Variants in MCM3AP observed in about 807,000 individuals in gnomAD.
The protein encoded by MCM3AP is minichromosome maintenance complex component 3 associated protein.
A neutral mutation model predicts 184.1 loss-of-function variants in MCM3AP; 126 were observed. The ratio of observed to expected loss-of-function variants is 0.68; its 90% confidence interval spans 0.59 to 0.79. The LOEUF is 0.79. Ranked by LOEUF, MCM3AP falls within the 30% of genes least tolerant of loss-of-function variation. The pLI, the probability that MCM3AP is intolerant of heterozygous loss-of-function variation, is 0.00. For synonymous variants in MCM3AP, 1,002 were observed against 979.3 expected (o/e 1.02, Z -0.43); for missense variants, 2,496 against 2,479.2 (o/e 1.01, Z -0.14).
At chr21:46,260,969 T>C (rs1432723379) in intron 14 of MCM3AP, 63 bp from the exon 15 acceptor site, 2 of 1,322,264 alleles carry the variant, frequency 1.5e-6, no homozygotes, top group African/African-American at 1.4e-5. Context: ...TGCTGTTTGT[T>C]TTACTCCCTG....
chr21:46,257,089 T>G, intron 16 of MCM3AP, 103 bp from the exon 17 acceptor site: 1 of 1,453,838 alleles, frequency 6.9e-7, no homozygotes, highest in Non-Finnish European at 9.2e-7. Flanking sequence ...GGACATCAAA[T>G]GAGTGTGGTG....
intron 12 of MCM3AP, 59 bp from the exon 13 acceptor site, chr21:46,264,276 G>T: frequency 9.2e-7 from 1 of 1,082,728 alleles, no homozygotes; most frequent in Non-Finnish European, 1.4e-6. Context: ...GAAATGCTGG[G>T]TAACATGTTG....
chr21:46,255,448 G>T (rs766739864), intron 17 of MCM3AP, among the ~76,000 whole-genome samples: 8 of 152,084 alleles, frequency 5.3e-5, no homozygotes, highest in Non-Finnish European at 1.2e-4. Flanking sequence ...CTGAGGACAC[G>T]ATTGGGGCCC....
chr21:46,260,115 A>G (rs2081022762), intron 15 of MCM3AP, among the ~76,000 whole-genome samples: 1 of 152,138 alleles, frequency 6.6e-6, no homozygotes, highest in East Asian at 1.9e-4. Context: ...CTCAGTATTA[A>G]AATGTAATTC....
At chr21:46,276,573 C>T (rs889323406) in intron 5 of MCM3AP, among the ~76,000 whole-genome samples, 4 of 152,058 alleles carry the variant, frequency 2.6e-5, no homozygotes, top group Non-Finnish European at 4.4e-5. Context: ...TCCCAAGTAG[C>T]TGGGATTACA....
chr21:46,239,110 C>G (rs1211249458), intron 26 of MCM3AP, among the ~76,000 whole-genome samples: 1 of 152,214 alleles, frequency 6.6e-6, no homozygotes, highest in African/African-American at 2.4e-5. Context: ...GCAAAAGGAA[C>G]AGCAAACTCA....
Position 46,246,171 on chromosome 21 carries a change from C to G in MCM3AP, c.4647+136G>C, listed in dbSNP as rs577953732. On this transcript the variant is annotated intron_variant, in intron 22 of 27. Transcript: ENST00000291688. ...GTTGCAGGGAGCTATCATCATGCCA[C>G]TATACTGGGTGACAATAAAACCCTG... 8.0e-6 allele frequency: 5 copies of G among 628,504 alleles called. No homozygotes were observed. The East Asian group carries it at 1.4e-4, about 17-fold the overall frequency. The allele number at this position is 628,504 out of a possible 1,614,324, so 38.9% of individuals were successfully genotyped here.
At chr21:46,266,719 T>G (rs1183387810) in intron 10 of MCM3AP, 3 of 473,886 alleles carry the variant, frequency 6.3e-6, no homozygotes, top group Non-Finnish European at 1.1e-5. Flanking sequence ...GGCCCTAACT[T>G]TTATCTTTAG....
intron 9 of MCM3AP, 135 bp from the exon 10 acceptor site, chr21:46,267,277 T>C (rs959046358): frequency 1.1e-5 from 8 of 760,050 alleles, no homozygotes; most frequent in Non-Finnish European, 1.7e-5. Context: ...GAAGGCGCTT[T>C]GGCAACACGG....
intron 26 of MCM3AP, among the ~76,000 whole-genome samples, chr21:46,238,573 TGATGGGTACC>T (rs1220631875): frequency 1.7e-5 from 2 of 119,446 alleles, no homozygotes; most frequent in East Asian, 4.5e-4. Flanking sequence ...CCAGGCATGG[TGATGGGTACC>T]TGTAGTCCCA....
Position 46,284,862 on chromosome 21 carries a change from G to C in MCM3AP, c.425C>G (p.Thr142Arg), listed in dbSNP as rs756132205. 15 of 1,614,152 alleles carry C rather than the reference G, an allele frequency of 9.3e-6. No individual in the cohort carries two copies. Among genetic ancestry groups the C allele is most frequent in the Non-Finnish European group, 1.2e-5 (14 of 1,180,038 alleles). The change falls in exon 1 of 28, where the codon ACA (threonine) becomes AGA (arginine). Residue 142 changes from threonine to arginine, a missense_variant. By Grantham distance (71) the Thr-to-Arg change is moderately conservative. Transcript: ENST00000291688. ...TTCCAGAGGTTTAAAGCTGAATTCTGTTTTCCCAAAACCAGAGTTCACTAT... is the reference window on the plus strand; with the variant it reads ...TTCCAGAGGTTTAAAGCTGAATTCTCTTTTCCCAAAACCAGAGTTCACTAT... ...GEIVNSGFGK[T>R]EFSFKPLENA...
intron 26 of MCM3AP, among the ~76,000 whole-genome samples, chr21:46,238,797 CAT>C (rs2080595641): frequency 6.6e-6 from 1 of 152,214 alleles, no homozygotes; most frequent in Non-Finnish European, 1.5e-5. Context: ...CCTTCCAAAA[CAT>C]ATTCATTAAG....
intron 10 of MCM3AP, 78 bp from the exon 11 acceptor site, chr21:46,266,244 C>T (rs2081110855): frequency 2.1e-6 from 3 of 1,455,462 alleles, no homozygotes; most frequent in Admixed American, 4.3e-5. Flanking sequence ...CTGCCGAGTA[C>T]TGCAAGCCCC....
intron 5 of MCM3AP, 75 bp from the exon 6 acceptor site, chr21:46,275,400 G>T: frequency 7.8e-7 from 1 of 1,276,422 alleles, no homozygotes; most frequent in Non-Finnish European, 1.1e-6. Context: ...TTCTCATAAT[G>T]ATAAAAAGAA....
At chr21:46,258,165 C>T (rs569736207) in intron 16 of MCM3AP, among the ~76,000 whole-genome samples, 1 of 152,202 alleles carries the variant, frequency 6.6e-6, no homozygotes, top group South Asian at 2.1e-4. Context: ...TGGATGGTTT[C>T]GCAAGCAGCT....
intron 2 of MCM3AP, among the ~76,000 whole-genome samples, chr21:46,281,830 T>G (rs2081337136): frequency 6.6e-6 from 1 of 151,318 alleles, no homozygotes; most frequent in African/African-American, 2.4e-5. Context: ...TGAAACCCCC[T>G]CTCCACTAAA....
At position 46,237,631 on chromosome 21, in the gene MCM3AP, A is replaced by G. The variant is rs1299933542; in HGVS notation, c.5634-652T>C. On this transcript the variant is annotated intron_variant, in intron 26 of 27. Transcript: ENST00000291688. ...AGGCTAGTCTACAACTCCTGAACTC[A>G]AGTGATGTGCACACCTCAGCCTCCC... 5.2e-5 allele frequency among the ~76,000 whole-genome samples: 6 copies of G among 114,982 alleles called. 2 individuals carry two copies. The East Asian group carries it at 1.4e-3, about 27-fold the overall frequency. The allele number at this position is 114,982 out of a possible 152,430, so 75.4% of individuals were successfully genotyped here.
chr21:46,246,595 T>C, intron 21 of MCM3AP, 33 bp downstream of exon 21: 3 of 1,604,268 alleles, frequency 1.9e-6, no homozygotes, highest in East Asian at 2.2e-5. Context: ...TATTAAACAA[T>C]GCTGCTTCAT....
intron 26 of MCM3AP, among the ~76,000 whole-genome samples, chr21:46,238,055 C>T (rs920297879): frequency 9.6e-6 from 1 of 103,908 alleles, no homozygotes; most frequent in Non-Finnish European, 2.0e-5. Context: ...AGCCAGATCA[C>T]GCCATTGCAC....
Sources: allele counts gnomAD v4.1 joint callset (sites outside exome capture counted in the v4.1 genomes callset), GRCh38; gene constraint gnomAD v4.1.1; transcripts MANE v1.5; gene names NCBI Gene and HGNC (gene_info 2026-07-23, HGNC 2026-07-21).